PDE11A: variants seen among roughly 807,000 people sequenced by gnomAD.
PDE11A encodes phosphodiesterase 11A.
PDE11A carries 100 observed loss-of-function variants against 100.5 expected under a neutral mutation model. That is an observed-to-expected ratio of 1.00 (90% CI 0.85 to 1.18). The LOEUF (loss-of-function observed/expected upper bound fraction) is 1.18. PDE11A is among the 50% of genes most tolerant of loss of function. The pLI, the probability that PDE11A is intolerant of heterozygous loss-of-function variation, is 0.00. For synonymous variants in PDE11A, 381 were observed against 420.8 expected, an observed-to-expected ratio of 0.91 and a Z score of 1.16; for missense variants, 1,141 against 1,152.6, an observed-to-expected ratio of 0.99 and a Z score of 0.15.
chr2:177,862,427 A>G (rs1306480205), intron 5 of PDE11A, among the ~76,000 whole-genome samples: 1 of 151,886 alleles, frequency 6.6e-6, no homozygotes, highest in Non-Finnish European at 1.5e-5. Flanking sequence ...TGCAGATGAC[A>G]TAATTCTGGA....
At chr2:178,030,694 T>C (rs2086534848) in intron 1 of PDE11A, among the ~76,000 whole-genome samples, 1 of 151,988 alleles carries the variant, frequency 6.6e-6, no homozygotes, top group Non-Finnish European at 1.5e-5. Context: ...TGGGCAACAT[T>C]GTGGAACACT....
intron 16 of PDE11A, among the ~76,000 whole-genome samples, chr2:177,677,002 G>A (rs1414464303): frequency 6.6e-6 from 1 of 152,196 alleles, no homozygotes; most frequent in Non-Finnish European, 1.5e-5. Flanking sequence ...CAGTACTGGA[G>A]GGGGACAAGA....
intron 1 of PDE11A, among the ~76,000 whole-genome samples, chr2:178,060,379 A>G (rs2086952663): frequency 6.6e-6 from 1 of 152,244 alleles, no homozygotes; most frequent in Non-Finnish European, 1.5e-5. Context: ...GCCCACACTC[A>G]GAGATTACCT....
intron 6 of PDE11A, among the ~76,000 whole-genome samples, chr2:177,827,093 A>C (rs75221542): frequency 0.016 from 2,427 of 152,360 alleles, 69 homozygotes; most frequent in African/African-American, 0.055. Flanking sequence ...AAGATCTGGC[A>C]GGCAAAATGG....
intron 2 of PDE11A, among the ~76,000 whole-genome samples, chr2:178,079,431 G>A (rs1169652468): frequency 6.6e-6 from 1 of 151,608 alleles, no homozygotes; most frequent in Non-Finnish European, 1.5e-5. Flanking sequence ...GAGGATAATG[G>A]CTTCCAGCTC....
Position 177,829,156 on chromosome 2 carries a change from G to T in PDE11A, c.1501-8861C>A, listed in dbSNP as rs573559847. Among the ~76,000 whole-genome samples the T allele has an allele frequency of 7.4e-4, 113 of 152,058 alleles. 2 individuals carry two copies. Among genetic ancestry groups the T allele is most frequent in the Non-Finnish European group, 1.4e-3 (93 of 68,020 alleles). On this transcript the variant is annotated intron_variant, in intron 6 of 19. Coordinates refer to ENST00000286063, the MANE Select transcript of PDE11A (RefSeq NM_016953.4). ...CATAAGCATCCTGAAGGATTGTGTTGCCTCAATAGAGATATGGAAACAGAG... is the reference window on the plus strand; with the variant it reads ...CATAAGCATCCTGAAGGATTGTGTTTCCTCAATAGAGATATGGAAACAGAG...
intron 12 of PDE11A, among the ~76,000 whole-genome samples, chr2:177,726,189 C>A (rs1230422406): frequency 1.3e-5 from 2 of 152,034 alleles, no homozygotes; most frequent in Non-Finnish European, 2.9e-5. Flanking sequence ...GTGGATGCAA[C>A]AGAAGAATGG....
At chr2:177,923,744 A>C (rs976353505) in intron 2 of PDE11A, among the ~76,000 whole-genome samples, 1 of 152,220 alleles carries the variant, frequency 6.6e-6, no homozygotes, top group African/African-American at 2.4e-5. Flanking sequence ...TATTTGAGAA[A>C]GTTATAATTA....
chr2:178,089,894 T>C (rs1240641332), intron 2 of PDE11A, among the ~76,000 whole-genome samples: 1 of 152,176 alleles, frequency 6.6e-6, no homozygotes, highest in Non-Finnish European at 1.5e-5. Context: ...CCTAGGCCCT[T>C]TCCCCTCGAA....
At chr2:177,896,250 T>A (rs2084610199) in intron 4 of PDE11A, among the ~76,000 whole-genome samples, 1 of 152,216 alleles carries the variant, frequency 6.6e-6, no homozygotes, top group Non-Finnish European at 1.5e-5. Context: ...CTGCTGTTTC[T>A]ACTGCTCCCT....
At chr2:177,967,370 A>G (rs1174874716) in intron 2 of PDE11A, among the ~76,000 whole-genome samples, 1 of 151,204 alleles carries the variant, frequency 6.6e-6, no homozygotes, top group African/African-American at 2.4e-5. Context: ...CTAATTTTTT[A>G]TAGTTTTAGT....
intron 5 of PDE11A, among the ~76,000 whole-genome samples, chr2:177,862,514 T>A (rs558379116): frequency 3.3e-5 from 5 of 151,696 alleles, no homozygotes; most frequent in Admixed American, 1.3e-4. Flanking sequence ...AAAATCAACA[T>A]ACAAAAATCA....
intron 5 of PDE11A, among the ~76,000 whole-genome samples, chr2:177,850,239 C>T (rs2105645876): frequency 6.6e-6 from 1 of 152,268 alleles, no homozygotes; most frequent in East Asian, 1.9e-4. Flanking sequence ...CACACATCTA[C>T]AACTATCTGA....
intron 12 of PDE11A, among the ~76,000 whole-genome samples, chr2:177,717,290 C>A (rs1020849272): frequency 3.3e-5 from 5 of 152,030 alleles, no homozygotes; most frequent in Admixed American, 3.3e-4. Context: ...CACTAAGTGT[C>A]CTTTTGCCCC....
intron 19 of PDE11A, among the ~76,000 whole-genome samples, chr2:177,656,905 T>A (rs2080395401): frequency 6.6e-6 from 1 of 152,082 alleles, no homozygotes; most frequent in Admixed American, 6.6e-5. Flanking sequence ...GGTAAGGAAG[T>A]GGGCAGGGTG....
intron 9 of PDE11A, among the ~76,000 whole-genome samples, chr2:177,774,545 G>C (rs554640141): frequency 6.6e-6 from 1 of 152,198 alleles, no homozygotes; most frequent in African/African-American, 2.4e-5. Context: ...TGCTCTTTAT[G>C]TTTTCTTTTT....
rs147176802 is a variant in PDE11A at position 178,038,150 on chromosome 2, A to T, written c.913-23690T>A. ...GATATAATTGAAATAAAAAAACTGT[A>T]CATATTTAACATATATGATTTTATT... On this transcript the variant is annotated intron_variant, in intron 1 of 19. Transcript: ENST00000286063. 5.4e-3 allele frequency among the ~76,000 whole-genome samples: 815 copies of T among 152,310 alleles called. 4 individuals are homozygous for T. The highest frequency in any genetic ancestry group is 0.019 in the African/African-American group (781 of 41,572).
intron 2 of PDE11A, among the ~76,000 whole-genome samples, chr2:178,104,094 A>G (rs192661757): frequency 3.9e-5 from 6 of 152,328 alleles, no homozygotes; most frequent in African/African-American, 9.6e-5. Flanking sequence ...GCAAAAACCT[A>G]TGCCATACAA....
At chr2:177,747,383 T>C (rs916240359) in intron 10 of PDE11A, among the ~76,000 whole-genome samples, 1 of 152,222 alleles carries the variant, frequency 6.6e-6, no homozygotes, top group Non-Finnish European at 1.5e-5. Flanking sequence ...CATTTGCTTT[T>C]GGCTCTGAAC....
Sources: gnomAD v4.1 joint callset for allele counts (sites outside exome capture counted in the v4.1 genomes callset) on GRCh38, gnomAD v4.1.1 for gene constraint, MANE v1.5 for transcripts, NCBI Gene and HGNC (gene_info 2026-07-23, HGNC 2026-07-21) for gene names.